The following PLXND1 variants were observed in gnomAD, a reference collection of about 807,000 sequenced individuals.
PLXND1 encodes the protein plexin D1.
In PLXND1, 54 loss-of-function variants were observed where a neutral mutation model predicts 197.7. That is an observed-to-expected ratio of 0.27 (90% confidence interval 0.22 to 0.34). PLXND1 has a LOEUF of 0.34. Ranked by LOEUF, PLXND1 falls within the 10% of genes least tolerant of loss-of-function variation. The probability of loss-of-function intolerance (pLI) is 1.00; values close to 1 mark genes in which losing one functional copy is unlikely to be tolerated. For synonymous variants in PLXND1, 1,180 were observed against 1,161.2 expected (o/e 1.02, Z -0.33); for missense variants, 2,127 against 2,699.2 (o/e 0.79, Z 4.70).
rs376523880 is a variant in PLXND1, at chr3:129,589,404, C to T, written c.1435G>A (p.Val479Ile). The T allele has an allele frequency of 1.1e-5, 18 of 1,591,834 alleles. No homozygotes were observed. In the African/African-American group the frequency reaches 1.6e-4, roughly 14 times the overall value. Residue 479 changes from valine (V) to isoleucine (I), a missense_variant, in exon 2 of 36, where the codon GTC (valine) becomes ATC (isoleucine). Transcript: ENST00000324093. ...PGLTSVAVAS[V>I]NNYTAVFLGT... ...AGGAAGACCGCTGTGTAGTTGTTGACGCTGGCCACGGCCACGGAGGTGAGG... is the reference window on the plus strand; with the variant it reads ...AGGAAGACCGCTGTGTAGTTGTTGATGCTGGCCACGGCCACGGAGGTGAGG...
intron 8 of PLXND1, 76 bp from the exon 9 acceptor site, chr3:129,578,509 C>G (rs1010716089): frequency 5.7e-6 from 5 of 877,250 alleles, no homozygotes; most frequent in East Asian, 2.6e-5. Flanking sequence ...TGCACCCCAG[C>G]CTGCCTGGTT....
At chr3:129,586,435 G>A (rs143333333) in intron 3 of PLXND1, among the ~76,000 whole-genome samples, 153 bp downstream of exon 3, 1,917 of 152,314 alleles carry the variant, frequency 0.013, 16 homozygotes, top group Non-Finnish European at 0.02. Context: ...AGGCAAGGTC[G>A]GTGTTGGGAG....
At chr3:129,600,746 C>T (rs1007009437) in intron 1 of PLXND1, among the ~76,000 whole-genome samples, 2 of 151,764 alleles carry the variant, frequency 1.3e-5, no homozygotes, top group African/African-American at 4.8e-5. Flanking sequence ...TCACTCCCAG[C>T]CCCCAGCCCA....
In PLXND1 at chr3:129,563,407, G is replaced by A. The variant is rs569906167; in HGVS notation, c.4522-167C>T. On this transcript the variant is annotated intron_variant, in intron 25 of 35. Coordinates refer to ENST00000324093, the MANE Select transcript of PLXND1 (RefSeq NM_015103.3). Reference sequence around the variant, plus strand: ...GGGTGTCTCCACGGACCCTAAGCTCGTGTTCATTAAACACCACCAGCTGTG... The same window carrying A: ...GGGTGTCTCCACGGACCCTAAGCTCATGTTCATTAAACACCACCAGCTGTG... Among the ~76,000 whole-genome samples the A allele has an allele frequency of 3.9e-5, 6 of 152,246 alleles. No individual in the cohort carries two copies. The South Asian group carries it at 8.3e-4, about 21-fold the overall frequency.
intron 32 of PLXND1, chr3:129,559,321 G>A (rs1311359626): frequency 9.8e-6 from 3 of 307,592 alleles, no homozygotes; most frequent in Non-Finnish European, 1.8e-5. Context: ...TATCTGTGAA[G>A]TGGAGCTGAT....
At chr3:129,561,765 G>A (rs2085065011) in intron 28 of PLXND1, 35 bp downstream of exon 28, 2 of 1,554,376 alleles carry the variant, frequency 1.3e-6, no homozygotes, top group Non-Finnish European at 1.8e-6. Flanking sequence ...GGGGGCATGA[G>A]GGTGGGGAAA....
chr3:129,560,423 C>G lies in PLXND1; in HGVS notation c.5040G>C (p.Thr1680=), dbSNP rs781101082. 3 of 1,612,822 alleles carry G rather than the reference C, an allele frequency of 1.9e-6. No homozygotes were observed. The highest frequency in any genetic ancestry group is 1.7e-5 in the Admixed American group (1 of 59,970). Residue 1680 remains threonine, a synonymous_variant, in exon 31 of 36, where the codon ACG becomes ACC. Transcript: ENST00000324093. ...TEKYFHLVLP[T]DELAEPKKSH... ...ACTTCTTGGGCTCCGCCAGCTCGTC[C>G]GTAGGCAGCACCTGGGAGGCCGGGC... is the stretch of plus-strand genomic sequence containing the variant.
At position 129,574,436 on chromosome 3, in the gene PLXND1, C is replaced by T. The variant is rs745841532; in HGVS notation, c.2585G>A (p.Arg862His). 5.0e-6 allele frequency: 8 copies of T among 1,612,968 alleles called. No individual in the cohort carries two copies. The highest frequency in any genetic ancestry group is 1.7e-5 in the Admixed American group (1 of 60,002). The change falls in exon 12 of 36, where the codon CGC becomes CAC. Residue 862 changes from arginine (R) to histidine (H), a missense_variant. Arg to His is a conservative substitution (Grantham distance 29). Coordinates refer to ENST00000324093, the MANE Select transcript of PLXND1 (RefSeq NM_015103.3). The part of the protein sequence containing the change: ...GSPDCSQCLG[R>H]EDLGHLCMWS... The stretch of plus-strand genomic sequence containing the variant: ...CATGCACAGGTGACCCAGGTCTTCG[C>T]GGCCCAGGCACTGGGAACAGTCGGG...
chr3:129,587,578 G>A (rs2108793145), intron 2 of PLXND1, among the ~76,000 whole-genome samples: 1 of 152,318 alleles, frequency 6.6e-6, no homozygotes, highest in East Asian at 1.9e-4. Flanking sequence ...TTGAGATGGG[G>A]CCAGTGGTCC....
chr3:129,606,465 T>A lies in PLXND1; in HGVS notation c.175A>T (p.Thr59Ser). The A allele has an allele frequency of 7.0e-7, 1 of 1,437,828 alleles. No homozygotes were observed. Among genetic ancestry groups the A allele is most frequent in the Non-Finnish European group, 9.1e-7 (1 of 1,099,624 alleles). The allele number at this position is 1,437,828 out of a possible 1,614,324, so 89.1% of individuals were successfully genotyped here. ...IQRRFPSPTP[T>S]NNFALDGAAG... is the part of the protein sequence containing the mutation. ...GCGCCGTCCAGGGCGAAGTTGTTGG[T>A]GGGCGTGGGCGAGGGGAACCGACGC... The change falls in exon 1 of 36, where the codon ACC (threonine) becomes TCC (serine). Residue 59 changes from threonine (T) to serine (S), a missense_variant. Physicochemically the swap from Thr to Ser is moderately conservative, Grantham distance 58. Coordinates refer to ENST00000324093, the MANE Select transcript of PLXND1 (RefSeq NM_015103.3).
Position 129,571,312 on chromosome 3 carries a change from G to A in PLXND1, c.3337-9C>T. The A allele has an allele frequency of 6.2e-7, 1 of 1,608,902 alleles. No individual in the cohort carries two copies. On this transcript the variant is annotated splice_polypyrimidine_tract_variant and intron_variant, in intron 17 of 35. Transcript: ENST00000324093. ...TTGAGAACCTTGCAGAGCTGGTGCA[G>A]GAGAGCCAGGGGCCCAGGCCGGGAT...
chr3:129,558,277 C>T lies in PLXND1; in HGVS notation c.5445+151G>A, dbSNP rs536997246. The stretch of plus-strand genomic sequence containing the variant: ...GGTGTCTCCCTGTCTGAATGAGTCA[C>T]TCATCCCACATCCCCTAGACCTGAG... On this transcript the variant is annotated intron_variant, in intron 33 of 35. Coordinates refer to ENST00000324093, the MANE Select transcript of PLXND1 (RefSeq NM_015103.3). This position sits in a 1 kb window ranked among gnomAD's most constrained non-coding sequence, Gnocchi z 4.1. 1.4e-6 allele frequency: 1 copy of T among 711,006 alleles called. No individual in the cohort carries two copies. Among genetic ancestry groups the T allele is most frequent in the South Asian group, 1.9e-5 (1 of 53,238 alleles). The allele number at this position is 711,006 out of a possible 1,614,324, so 44.0% of individuals were successfully genotyped here.
At chr3:129,604,311 C>T (rs1312726702) in intron 1 of PLXND1, among the ~76,000 whole-genome samples, 5 of 152,198 alleles carry the variant, frequency 3.3e-5, no homozygotes, top group African/African-American at 1.2e-4. Flanking sequence ...CCAAAACACA[C>T]GCACTCTGAG....
In PLXND1 at chr3:129,586,598, G is replaced by A. The variant is rs201180612; in HGVS notation, c.1610C>T (p.Thr537Met). The A allele has an allele frequency of 9.6e-6, 15 of 1,569,100 alleles. No homozygotes were observed. The Admixed American group carries it at 1.3e-4, about 14-fold the overall frequency. Residue 537 changes from threonine (T) to methionine (M), a missense_variant, in exon 3 of 36, where the codon ACG becomes ATG. This residue lies in a region of PLXND1 where 1,095 missense variants were observed against 1,259.8 expected (regional missense o/e 0.87). Coordinates refer to ENST00000324093, the MANE Select transcript of PLXND1 (RefSeq NM_015103.3). ...PADSGYLYLM[T>M]SHQMARVKVA... is the part of the protein sequence containing the mutation. ...GGGCTCTGGCCTCACCTGGTGGGAC[G>A]TCATCAGGTAAAGGTAACCGGAGTC...
chr3:129,596,516 G>A (rs920184829), intron 1 of PLXND1, among the ~76,000 whole-genome samples: 2 of 152,098 alleles, frequency 1.3e-5, no homozygotes, highest in African/African-American at 4.8e-5. Context: ...GGCAGCCAGC[G>A]GCTCTTCCCT....
chr3:129,565,291 C>T (rs1488969736), intron 25 of PLXND1, 49 bp downstream of exon 25: 1 of 1,535,124 alleles, frequency 6.5e-7, no homozygotes, highest in Non-Finnish European at 9.0e-7. Flanking sequence ...GCCGCTGAGT[C>T]CCTGCCACGT....
In PLXND1 at chr3:129,555,706, A is replaced by G. The variant is rs985197099; in HGVS notation, c.*606T>C. ...CCTCCACCCTCCCTGCTCCTGGAGAAGCCCACAGAGCACCCCATGGCGCGG... is the reference window on the plus strand; with the variant it reads ...CCTCCACCCTCCCTGCTCCTGGAGAGGCCCACAGAGCACCCCATGGCGCGG... On this transcript the variant is annotated 3_prime_UTR_variant, in exon 36 of 36. Coordinates refer to ENST00000324093, the MANE Select transcript of PLXND1 (RefSeq NM_015103.3). 1.5e-5 allele frequency: 8 copies of G among 531,986 alleles called. No homozygotes were observed. Among genetic ancestry groups the G allele is most frequent in the Non-Finnish European group, 2.6e-5 (8 of 305,914 alleles). 33.0% of individuals were successfully genotyped at this position (531,986 alleles called of 1,614,324 possible). A position where few individuals can be genotyped will look rare whatever the true frequency, so the allele number is the denominator to read the frequency against.
rs980389521 is a variant in PLXND1, at chr3:129,571,849, G to T, written c.3078-5C>A. Reference sequence around the variant, plus strand: ...GCGATGCTGGTATCTGTGCGCCTGGGGGGAGCAGCAGGTTATCAGCAGGGC... The same window carrying T: ...GCGATGCTGGTATCTGTGCGCCTGGTGGGAGCAGCAGGTTATCAGCAGGGC... On this transcript the variant is annotated splice_region_variant and splice_polypyrimidine_tract_variant and intron_variant, in intron 15 of 35. Coordinates refer to ENST00000324093, the MANE Select transcript of PLXND1 (RefSeq NM_015103.3). 1 of 1,606,036 alleles carries T rather than the reference G, an allele frequency of 6.2e-7. No homozygotes were observed. Among genetic ancestry groups the T allele is most frequent in the Non-Finnish European group, 8.5e-7 (1 of 1,176,542 alleles).
At chr3:129,573,781 T>C (rs1207978601) in intron 12 of PLXND1, 36 bp from the exon 13 acceptor site, 1 of 1,603,192 alleles carries the variant, frequency 6.2e-7, no homozygotes, top group Admixed American at 1.7e-5. Context: ...GAATGGGATC[T>C]GAGGCTGCAG....
Sources: allele counts gnomAD v4.1 joint callset (sites outside exome capture counted in the v4.1 genomes callset), GRCh38; gene constraint gnomAD v4.1.1; regional missense constraint gnomAD v4.1.1; non-coding constraint Gnocchi (gnomAD v3.1); transcripts MANE v1.5; gene names NCBI Gene and HGNC (gene_info 2026-07-23, HGNC 2026-07-21).